CSMD2: variants seen among roughly 807,000 people sequenced by gnomAD.
The protein encoded by CSMD2 is CUB and sushi domain-containing protein 2.
A neutral mutation model predicts 398.5 loss-of-function variants in CSMD2; 130 were observed. The observed-to-expected ratio is 0.33, with a 90% CI of 0.28 to 0.38. CSMD2 has a LOEUF of 0.38. Ranked by LOEUF, CSMD2 falls within the 10% of genes least tolerant of loss-of-function variation. CSMD2 has a pLI of 1.00. For missense variants in CSMD2, 3,829 were observed against 4,764.9 expected, an observed-to-expected ratio of 0.80 and a Z score of 5.78; for synonymous variants, 1,828 against 1,908.5, an observed-to-expected ratio of 0.96 and a Z score of 1.10.
At chr1:33,549,011 T>C (rs1190088105) in intron 56 of CSMD2, among the ~76,000 whole-genome samples, 3 of 152,174 alleles carry the variant, frequency 2.0e-5, no homozygotes, top group African/African-American at 7.2e-5. Context: ...TCCTGGGTGG[T>C]CATATAGAGT....
Position 33,602,417 on chromosome 1 carries a change from T to C in CSMD2, c.6662A>G (p.Asn2221Ser), listed in dbSNP as rs747708555. ...GGGCTCTGTCTGCAGCAGGCTGAGG[T>C]TGAGGCGGACGCCATGGCCAATGGG... Reference protein sequence around the residue: ...TVPIGHGVRLNLSLLQTEPSG... With the variant: ...TVPIGHGVRLSLSLLQTEPSG... The change falls in exon 43 of 71, where the codon AAC (asparagine) becomes AGC (serine). Residue 2221 changes from asparagine to serine, a missense_variant. Around this residue, in one of 5 missense-constraint regions of CSMD2, gnomAD observed 723 missense variants for 758.6 expected, o/e 0.95. Transcript: ENST00000373381. 2 of 1,613,580 alleles carry C rather than the reference T, an allele frequency of 1.2e-6. No individual in the cohort carries two copies. The highest frequency in any genetic ancestry group is 8.5e-7 in the Non-Finnish European group (1 of 1,179,912).
chr1:33,966,766 G>C (rs921885107), intron 3 of CSMD2, among the ~76,000 whole-genome samples: 14 of 152,168 alleles, frequency 9.2e-5, no homozygotes, highest in Non-Finnish European at 1.9e-4. Context: ...AAGTGCTTCA[G>C]CCAGGGCAAA....
At chr1:33,956,464 G>A (rs1645172601) in intron 3 of CSMD2, among the ~76,000 whole-genome samples, 1 of 152,124 alleles carries the variant, frequency 6.6e-6, no homozygotes, top group South Asian at 2.1e-4. Flanking sequence ...TAATGTCCTT[G>A]AGAGCCATCC....
chr1:33,858,540 C>A (rs1639260620), intron 5 of CSMD2, among the ~76,000 whole-genome samples: 1 of 152,168 alleles, frequency 6.6e-6, no homozygotes, highest in African/African-American at 2.4e-5. Flanking sequence ...CGCTTCCAGG[C>A]TTCCAGAGAT....
At chr1:34,110,040 C>CAAAAAAAAAA (rs57314887) in intron 1 of CSMD2, among the ~76,000 whole-genome samples, 5 of 63,364 alleles carry the variant, frequency 7.9e-5, no homozygotes, top group Non-Finnish European at 1.1e-4. Context: ...GACTCTGTCT[C>CAAAAAAAAAA]AAAAAAAAAA....
At chr1:33,527,946 A>G (rs1267080917) in intron 64 of CSMD2, among the ~76,000 whole-genome samples, 1 of 59,846 alleles carries the variant, frequency 1.7e-5, no homozygotes, top group African/African-American at 7.1e-5. Flanking sequence ...GTCTCAAAAA[A>G]AAAAAAAAAA....
chr1:34,100,233 AATGCAAGT>A (rs1356291819), intron 1 of CSMD2, among the ~76,000 whole-genome samples: 4 of 152,192 alleles, frequency 2.6e-5, no homozygotes, highest in Admixed American at 2.0e-4. Flanking sequence ...GCACATACGC[AATGCAAGT>A]ATAAAAAAAT....
intron 15 of CSMD2, among the ~76,000 whole-genome samples, chr1:33,732,335 A>T (rs889027830): frequency 8.5e-5 from 13 of 152,210 alleles, no homozygotes; most frequent in Non-Finnish European, 5.9e-5. Context: ...GTCCTCCCAA[A>T]ATGTAGAGGT....
chr1:33,766,236 C>T (rs1002405238), intron 13 of CSMD2, among the ~76,000 whole-genome samples: 1 of 152,094 alleles, frequency 6.6e-6, no homozygotes, highest in African/African-American at 2.4e-5. Flanking sequence ...CGGAACATGT[C>T]CCTTTTGCAT....
chr1:33,923,842 G>C (rs1323957517), intron 4 of CSMD2, among the ~76,000 whole-genome samples: 1 of 152,124 alleles, frequency 6.6e-6, no homozygotes, highest in Admixed American at 6.5e-5. Context: ...TCTAATGCCT[G>C]ATGATCTGAG....
rs1028573642 is a variant in CSMD2, at chr1:33,761,007, A to G, written c.1846+11562T>C. Among the ~76,000 whole-genome samples, 3 of 152,182 alleles carry G rather than the reference A, an allele frequency of 2.0e-5. No homozygotes were observed. The East Asian group carries it at 5.8e-4, about 29-fold the overall frequency. ...ACTCCAAGTCCAGAAGATTCTGACA[A>G]AACTCCCCATTTGCAGGAATGACTG... On this transcript the variant is annotated intron_variant, in intron 13 of 70. Coordinates refer to ENST00000373381, the MANE Select transcript of CSMD2 (RefSeq NM_001281956.2).
intron 40 of CSMD2, among the ~76,000 whole-genome samples, chr1:33,611,862 G>A (rs1641030823): frequency 6.6e-6 from 1 of 152,136 alleles, no homozygotes; most frequent in South Asian, 2.1e-4. Context: ...AAGAACGAAG[G>A]TGGGAACATT....
At chr1:33,860,317 T>C (rs1639398798) in intron 5 of CSMD2, among the ~76,000 whole-genome samples, 1 of 152,210 alleles carries the variant, frequency 6.6e-6, no homozygotes, top group African/African-American at 2.4e-5. Flanking sequence ...GAATGTTCTT[T>C]ATTTCAGTTT....
In CSMD2 at chr1:34,030,869, C is replaced by A. The variant is rs539728352; in HGVS notation, c.517+1725G>T. Reference sequence around the variant, plus strand: ...CCTCTTCTAGTGTCCCTGACCCAGTCTCCCTTTTCCTGGCCCCGGGTCCCA... The same window carrying A: ...CCTCTTCTAGTGTCCCTGACCCAGTATCCCTTTTCCTGGCCCCGGGTCCCA... On this transcript the variant is annotated intron_variant, in intron 3 of 70. Coordinates refer to ENST00000373381, the MANE Select transcript of CSMD2 (RefSeq NM_001281956.2). Among the ~76,000 whole-genome samples the A allele has an allele frequency of 1.3e-4, 20 of 152,304 alleles. No homozygotes were observed. In the South Asian group the frequency reaches 1.9e-3, roughly 14 times the overall value.
chr1:33,952,555 AGACATTTAATCCT>A (rs1558152128), intron 3 of CSMD2, among the ~76,000 whole-genome samples: 1 of 152,148 alleles, frequency 6.6e-6, no homozygotes, highest in East Asian at 1.9e-4. Context: ...TTATACCTTC[AGACATTTAATCCT>A]GACATTTAAT....
intron 13 of CSMD2, among the ~76,000 whole-genome samples, chr1:33,752,656 C>A (rs1353640357): frequency 1.3e-5 from 2 of 152,236 alleles, no homozygotes; most frequent in Admixed American, 6.5e-5. Context: ...AGCTTTGGAA[C>A]TGGGTAACAG....
At position 33,617,511 on chromosome 1, in the gene CSMD2, T is replaced by A. The variant is rs1641471606; in HGVS notation, c.5934A>T (p.Gly1978=). ...TCAGGGGAGGTACCTGGAGGGCATA[T>A]CCCGGCTCACACTGGAAAGACACCA... The part of the protein sequence containing the change: ...NDVVSFQCEP[G]YALQGHAHIS... Residue 1978 remains glycine (G), a synonymous_variant, in exon 38 of 71, where the codon GGA becomes GGT. Coordinates refer to ENST00000373381, the MANE Select transcript of CSMD2 (RefSeq NM_001281956.2). The A allele has an allele frequency of 1.2e-6, 2 of 1,613,632 alleles. No individual in the cohort carries two copies. Among genetic ancestry groups the A allele is most frequent in the South Asian group, 1.1e-5 (1 of 91,068 alleles).
chr1:33,592,659 T>G (rs1335856851), intron 44 of CSMD2, among the ~76,000 whole-genome samples: 1 of 152,124 alleles, frequency 6.6e-6, no homozygotes, highest in East Asian at 1.9e-4. Flanking sequence ...CTTTAAAAAT[T>G]ATCATGACGG....
At chr1:34,066,327 C>T (rs1046702490) in intron 2 of CSMD2, among the ~76,000 whole-genome samples, 1 of 147,290 alleles carries the variant, frequency 6.8e-6, no homozygotes, top group Non-Finnish European at 1.5e-5. Context: ...TTCATCCCAC[C>T]CTACTCGTTG....
Sources: gnomAD v4.1 joint callset for allele counts (sites outside exome capture counted in the v4.1 genomes callset) on GRCh38, gnomAD v4.1.1 for gene constraint, gnomAD v4.1.1 regional missense constraint, MANE v1.5 for transcripts, NCBI Gene and HGNC (gene_info 2026-07-23, HGNC 2026-07-21) for gene names.